Variants in KCNIP4 observed in about 807,000 individuals in gnomAD.
KCNIP4 encodes potassium voltage-gated channel interacting protein 4, also known as Kv channel-interacting protein 4.
KCNIP4 carries 12 observed loss-of-function variants against 34.0 expected under a neutral mutation model. That is an observed-to-expected ratio of 0.35 (90% CI 0.23 to 0.57). The LOEUF (loss-of-function observed/expected upper bound fraction) is 0.57. KCNIP4 is among the 20% of genes least tolerant of loss of function. The probability of loss-of-function intolerance (pLI) is 0.83; values close to 1 mark genes in which losing one functional copy is unlikely to be tolerated. For synonymous variants in KCNIP4, 124 were observed against 102.2 expected (o/e 1.21, Z -1.29); for missense variants, 238 against 311.7 (o/e 0.76, Z 1.78).
At chr4:21,519,068 G>A (rs1228587732) in intron 1 of KCNIP4, among the ~76,000 whole-genome samples, 1 of 152,020 alleles carries the variant, frequency 6.6e-6, no homozygotes, top group Admixed American at 6.6e-5. Flanking sequence ...CACGGTTATC[G>A]ACTGATTATT....
chr4:21,321,948 G>C (rs1714509395), intron 1 of KCNIP4, among the ~76,000 whole-genome samples: 1 of 144,742 alleles, frequency 6.9e-6, no homozygotes, highest in African/African-American at 2.6e-5. Context: ...GGGAGGGAGG[G>C]AGAGAGAAAA....
chr4:21,874,167 C>T (rs982061361), intron 1 of KCNIP4, among the ~76,000 whole-genome samples: 4 of 152,146 alleles, frequency 2.6e-5, no homozygotes, highest in East Asian at 1.9e-4. Flanking sequence ...ATGTCACATT[C>T]GATTACAATG....
At chr4:21,688,180 TTAAG>T (rs751632997) in intron 1 of KCNIP4, among the ~76,000 whole-genome samples, 21 of 152,320 alleles carry the variant, frequency 1.4e-4, no homozygotes, top group Non-Finnish European at 2.1e-4. Context: ...AGCTGGTTAA[TTAAG>T]TATTACCGGT....
chr4:21,646,561 C>A (rs929467001), intron 1 of KCNIP4, among the ~76,000 whole-genome samples: 1 of 151,972 alleles, frequency 6.6e-6, no homozygotes, highest in Non-Finnish European at 1.5e-5. Flanking sequence ...TTTTTTCCTA[C>A]AAGATTTTAA....
chr4:21,820,374 C>T (rs1722285454), intron 1 of KCNIP4, among the ~76,000 whole-genome samples: 1 of 147,544 alleles, frequency 6.8e-6, no homozygotes, highest in South Asian at 2.1e-4. Context: ...GTACTATAAA[C>T]TTGATTTCCT....
chr4:21,113,422 A>G (rs1749396797), intron 1 of KCNIP4, among the ~76,000 whole-genome samples: 1 of 147,254 alleles, frequency 6.8e-6, no homozygotes, highest in Admixed American at 6.9e-5. Flanking sequence ...TGAATGAAAT[A>G]TAAAGGAGAG....
At chr4:21,576,093 T>C (rs1272180955) in intron 1 of KCNIP4, among the ~76,000 whole-genome samples, 3 of 152,212 alleles carry the variant, frequency 2.0e-5, no homozygotes, top group Non-Finnish European at 2.9e-5. Flanking sequence ...AGTTGGCCTA[T>C]TGTGTGAGGC....
chr4:21,400,495 C>G (rs1331187553), intron 1 of KCNIP4, among the ~76,000 whole-genome samples: 3 of 141,810 alleles, frequency 2.1e-5, no homozygotes, highest in Non-Finnish European at 4.6e-5. Flanking sequence ...CTCCTCTCCC[C>G]TCCCTTCCCC....
chr4:21,692,827 A>ATTTTTT (rs35231092), intron 1 of KCNIP4, among the ~76,000 whole-genome samples: 11 of 87,260 alleles, frequency 1.3e-4, no homozygotes, highest in African/African-American at 3.6e-4. Context: ...AAATCCTGTC[A>ATTTTTT]TTTTTTTTTT....
At chr4:21,561,835 C>A (rs1739507266) in intron 1 of KCNIP4, among the ~76,000 whole-genome samples, 1 of 151,920 alleles carries the variant, frequency 6.6e-6, no homozygotes, top group East Asian at 1.9e-4. Flanking sequence ...GATAACAGAA[C>A]CTATCCTTGC....
At chr4:20,853,063 G>A (rs1056289689) in intron 2 of KCNIP4, among the ~76,000 whole-genome samples, 1 of 152,066 alleles carries the variant, frequency 6.6e-6, no homozygotes, top group African/African-American at 2.4e-5. Context: ...ACTGCCAAAA[G>A]CAATCTACAA....
At chr4:21,608,500 G>T (rs543763783) in intron 1 of KCNIP4, among the ~76,000 whole-genome samples, 30 of 152,250 alleles carry the variant, frequency 2.0e-4, no homozygotes, top group African/African-American at 6.5e-4. Flanking sequence ...AGGCATCAAT[G>T]GTGGCCGAGT....
intron 1 of KCNIP4, among the ~76,000 whole-genome samples, chr4:20,923,849 T>C (rs1406702845): frequency 2.0e-5 from 3 of 152,048 alleles, no homozygotes; most frequent in Non-Finnish European, 4.4e-5. Flanking sequence ...CACTTTAACA[T>C]TGCATTAAAA....
chr4:21,666,000 C>A (rs879270433), intron 1 of KCNIP4, among the ~76,000 whole-genome samples: 1 of 152,154 alleles, frequency 6.6e-6, no homozygotes. Flanking sequence ...CTATTAATTT[C>A]AAAAAATCAG....
intron 1 of KCNIP4, among the ~76,000 whole-genome samples, chr4:21,251,975 A>G (rs569557180): frequency 8.4e-4 from 128 of 151,962 alleles, no homozygotes; most frequent in Admixed American, 3.9e-3. Flanking sequence ...ACTAACCTGC[A>G]CATTGTGCAC....
At chr4:21,391,383 C>T (rs1447399044) in intron 1 of KCNIP4, among the ~76,000 whole-genome samples, 1 of 152,102 alleles carries the variant, frequency 6.6e-6, no homozygotes, top group Non-Finnish European at 1.5e-5. Flanking sequence ...TAATGTTCAG[C>T]TAACATGGAA....
At chr4:21,318,817 C>A (rs1319998309) in intron 1 of KCNIP4, among the ~76,000 whole-genome samples, 1 of 151,944 alleles carries the variant, frequency 6.6e-6, no homozygotes, top group African/African-American at 2.4e-5. Flanking sequence ...TAAAAACCCT[C>A]TTGGGTTTTT....
chr4:21,092,985 G>A (rs572613878), intron 1 of KCNIP4, among the ~76,000 whole-genome samples: 12 of 152,292 alleles, frequency 7.9e-5, no homozygotes, highest in African/African-American at 2.9e-4. Context: ...TTGCAACTAC[G>A]AAACACCTCT....
intron 1 of KCNIP4, among the ~76,000 whole-genome samples, chr4:21,637,893 T>C (rs1604804): frequency 0.38 from 57,478 of 151,856 alleles, 11,076 homozygotes; most frequent in African/African-American, 0.43. Context: ...ACTGAGAGTG[T>C]TTGACACCAG....
Sources: allele counts gnomAD v4.1 joint callset (sites outside exome capture counted in the v4.1 genomes callset), GRCh38; gene constraint gnomAD v4.1.1; transcripts MANE v1.5; gene names NCBI Gene and HGNC (gene_info 2026-07-23, HGNC 2026-07-21).